Variants in FNDC3A observed in about 807,000 individuals in gnomAD.
The protein encoded by FNDC3A is fibronectin type-III domain-containing protein 3A.
A neutral mutation model predicts 148.9 loss-of-function variants in FNDC3A; 32 were observed. The observed-to-expected ratio is 0.21, with a 90% CI of 0.16 to 0.29. The LOEUF (loss-of-function observed/expected upper bound fraction) is 0.29, where lower values mean the gene tolerates loss of function less well. FNDC3A is among the 10% of genes least tolerant of loss of function. FNDC3A has a pLI of 1.00. For missense variants in FNDC3A, 1,191 were observed against 1,452.8 expected, an observed-to-expected ratio of 0.82 and a Z score of 2.93; for synonymous variants, 472 against 473.6, an observed-to-expected ratio of 1.00 and a Z score of 0.04.
intron 10 of FNDC3A, among the ~76,000 whole-genome samples, chr13:49,170,704 T>C (rs780347270): frequency 1.3e-5 from 2 of 152,184 alleles, no homozygotes; most frequent in Admixed American, 6.5e-5. Flanking sequence ...TCATTTTCTC[T>C]TTTGTAAAGT....
intron 3 of FNDC3A, among the ~76,000 whole-genome samples, chr13:49,086,417 A>G (rs1030465484): frequency 6.6e-6 from 1 of 152,184 alleles, no homozygotes; most frequent in Non-Finnish European, 1.5e-5. Flanking sequence ...ACAAGTTTCT[A>G]CCAGCTCTCA....
At chr13:49,200,410 A>G (rs576745621) in intron 23 of FNDC3A, among the ~76,000 whole-genome samples, 20 of 152,278 alleles carry the variant, frequency 1.3e-4, no homozygotes, top group African/African-American at 4.8e-4. Context: ...GCAGAATTTT[A>G]TGTAATCTTT....
In FNDC3A at chr13:49,150,588, G is replaced by C. The variant is rs116975646; in HGVS notation, c.977+4653G>C. Among the ~76,000 whole-genome samples the C allele has an allele frequency of 2.5e-3, 379 of 151,922 alleles. 2 individuals are homozygous for C. Among genetic ancestry groups the C allele is most frequent in the Admixed American group, 5.5e-3 (84 of 15,248 alleles). On this transcript the variant is annotated intron_variant, in intron 8 of 25. Coordinates refer to ENST00000492622, the MANE Select transcript of FNDC3A (RefSeq NM_001079673.2). The stretch of plus-strand genomic sequence containing the variant: ...TTGCACAGTTTCCAGAGTTCCTCTT[G>C]TTATTGATTTCTAGTTTTATTCTAT...
intron 5 of FNDC3A, 66 bp downstream of exon 5, chr13:49,131,440 C>G: frequency 8.9e-7 from 1 of 1,126,512 alleles, no homozygotes; most frequent in Non-Finnish European, 1.4e-6. Flanking sequence ...ATAATAGATG[C>G]CATTATCATA....
intron 3 of FNDC3A, chr13:49,110,334 G>C: frequency 6.3e-7 from 1 of 1,580,298 alleles, no homozygotes; most frequent in Non-Finnish European, 8.6e-7. Flanking sequence ...AATTAAAGCT[G>C]TTAACGTGTA....
chr13:48,976,224 C>T (rs1404868542), intron 1 of FNDC3A, 47 bp downstream of exon 1: 1 of 152,250 alleles, frequency 6.6e-6, no homozygotes, highest in Non-Finnish European at 1.5e-5. Flanking sequence ...GACACCGAGC[C>T]GTCCCAACCC....
At chr13:49,175,631 T>C (rs1159691925) in intron 13 of FNDC3A, 90 bp downstream of exon 13, 4 of 760,672 alleles carry the variant, frequency 5.3e-6, no homozygotes, top group Non-Finnish European at 8.4e-6. Context: ...TTTCTAAATA[T>C]ACAATCATGT....
At chr13:49,053,368 C>A (rs554593148) in intron 2 of FNDC3A, among the ~76,000 whole-genome samples, 52 of 152,302 alleles carry the variant, frequency 3.4e-4, no homozygotes, top group Admixed American at 5.2e-4. Context: ...CCATGTTAAT[C>A]CTGAAACAGG....
At chr13:49,181,969 A>G (rs772134292) in intron 14 of FNDC3A, among the ~76,000 whole-genome samples, 4 of 152,028 alleles carry the variant, frequency 2.6e-5, no homozygotes, top group Admixed American at 6.6e-5. Context: ...AAGAATGAAA[A>G]TAAAATTTTA....
rs58007137 is a variant in FNDC3A at position 48,990,588 on chromosome 13, CAAAAAAAA to C, written c.-40+14428_-40+14435del. Among the ~76,000 whole-genome samples the C allele has an allele frequency of 1.0e-4, 6 of 58,118 alleles. No individual in the cohort carries two copies. The East Asian group carries it at 2.0e-3, about 20-fold the overall frequency. The allele number at this position is 58,118 out of a possible 152,430, so 38.1% of individuals were successfully genotyped here. Reference sequence around the variant, plus strand: ...GCAACATGGTGAAATCCTGTCTCTCCAAAAAAAAAAAAAAAAAAAAAAAATTAGCCAGG... The same window carrying C: ...GCAACATGGTGAAATCCTGTCTCTCCAAAAAAAAAAAAAAAATTAGCCAGG... On this transcript the variant is annotated intron_variant, in intron 1 of 25. Coordinates refer to ENST00000492622, the MANE Select transcript of FNDC3A (RefSeq NM_001079673.2).
intron 4 of FNDC3A, among the ~76,000 whole-genome samples, chr13:49,126,868 T>G (rs1881731153): frequency 6.6e-6 from 1 of 152,190 alleles, no homozygotes; most frequent in Non-Finnish European, 1.5e-5. Context: ...AATTAACATT[T>G]CAGTGTTACA....
intron 9 of FNDC3A, 101 bp from the exon 10 acceptor site, chr13:49,168,512 T>C (rs1413743880): frequency 4.3e-6 from 3 of 705,044 alleles, no homozygotes; most frequent in Non-Finnish European, 6.6e-6. Context: ...GATAGAACTT[T>C]TAGTGGACAC....
intron 15 of FNDC3A, 79 bp downstream of exon 15, chr13:49,186,181 A>G: frequency 1.6e-6 from 2 of 1,225,964 alleles, no homozygotes; most frequent in Non-Finnish European, 2.3e-6. Context: ...AATTTTTAAG[A>G]TATTTGAGTA....
At chr13:49,086,984 G>A (rs1306747897) in intron 3 of FNDC3A, among the ~76,000 whole-genome samples, 2 of 152,044 alleles carry the variant, frequency 1.3e-5, no homozygotes, top group African/African-American at 4.8e-5. Flanking sequence ...ATAGTCTCAG[G>A]ATGTCCCAGA....
At chr13:48,993,010 A>G (rs1340115317) in intron 1 of FNDC3A, among the ~76,000 whole-genome samples, 1 of 152,200 alleles carries the variant, frequency 6.6e-6, no homozygotes, top group Non-Finnish European at 1.5e-5. Context: ...ATAGTATATC[A>G]TACTCTCCTA....
Position 49,197,733 on chromosome 13 carries a change from G to A in FNDC3A, c.2349G>A (p.Leu783=). Residue 783 remains leucine (L), a synonymous_variant, in exon 21 of 26, where the codon TTG becomes TTA. Transcript: ENST00000492622. ...CTTTTCTTAATTTAAAGGTTCCTTTGAGTAATGGAACAGATGTCACTGAAT... is the reference window on the plus strand; with the variant it reads ...CTTTTCTTAATTTAAAGGTTCCTTTAAGTAATGGAACAGATGTCACTGAAT... The part of the protein sequence containing the change: ...TCAQVNWEVP[L]SNGTDVTEYR... 12 of 1,602,670 alleles carry A rather than the reference G, an allele frequency of 7.5e-6. No homozygotes were observed. The highest frequency in any genetic ancestry group is 9.3e-6 in the Non-Finnish European group (11 of 1,177,354).
In FNDC3A at chr13:49,175,404, T is replaced by C; in HGVS notation, c.1393T>C (p.Cys465Arg). 6.2e-7 allele frequency: 1 copy of C among 1,609,378 alleles called. No individual in the cohort carries two copies. Among genetic ancestry groups the C allele is most frequent in the Non-Finnish European group, 8.5e-7 (1 of 1,178,076 alleles). Residue 465 changes from cysteine to arginine, a missense_variant, in exon 13 of 26, where the codon TGT becomes CGT. Physicochemically the swap from Cys to Arg is radical, Grantham distance 180 (BLOSUM62 -3). Coordinates refer to ENST00000492622, the MANE Select transcript of FNDC3A (RefSeq NM_001079673.2). ...AGAAGTCTTATATTACACCTCAGGCTGTGCTCCTTCTATGCCAGCAAGTCC... is the reference window on the plus strand; with the variant it reads ...AGAAGTCTTATATTACACCTCAGGCCGTGCTCCTTCTATGCCAGCAAGTCC... Reference protein sequence around the residue: ...SEEVLYYTSGCAPSMPASPVL... With the variant: ...SEEVLYYTSGRAPSMPASPVL...
At chr13:49,032,579 A>G (rs576269922) in intron 2 of FNDC3A, among the ~76,000 whole-genome samples, 44 of 152,284 alleles carry the variant, frequency 2.9e-4, no homozygotes, top group South Asian at 1.5e-3. Context: ...TACTAAAAAT[A>G]CAAAAAATTA....
intron 3 of FNDC3A, among the ~76,000 whole-genome samples, chr13:49,079,712 C>T (rs549979218): frequency 6.6e-6 from 1 of 152,154 alleles, no homozygotes; most frequent in Non-Finnish European, 1.5e-5. Flanking sequence ...CTTTCAAATA[C>T]ACTCCTGAGC....
Sources: gnomAD v4.1 joint callset for allele counts (sites outside exome capture counted in the v4.1 genomes callset) on GRCh38, gnomAD v4.1.1 for gene constraint, MANE v1.5 for transcripts, NCBI Gene and HGNC (gene_info 2026-07-23, HGNC 2026-07-21) for gene names.